GALNTL6: variants seen among roughly 807,000 people sequenced by gnomAD.
The protein encoded by GALNTL6 is polypeptide N-acetylgalactosaminyltransferase-like 6.
GALNTL6 carries 46 observed loss-of-function variants against 73.7 expected under a neutral mutation model. The observed-to-expected ratio is 0.62, with a 90% CI of 0.49 to 0.80. The LOEUF (loss-of-function observed/expected upper bound fraction) is 0.80, where lower values mean the gene tolerates loss of function less well. Ranked by LOEUF, GALNTL6 falls within the 30% of genes least tolerant of loss-of-function variation. GALNTL6 has a pLI of 0.00. For missense variants in GALNTL6, 604 were observed against 755.0 expected, an observed-to-expected ratio of 0.80 and a Z score of 2.34; for synonymous variants, 259 against 263.7, an observed-to-expected ratio of 0.98 and a Z score of 0.17.
chr4:172,265,103 T>G (rs1052545858), intron 3 of GALNTL6, among the ~76,000 whole-genome samples: 1 of 152,014 alleles, frequency 6.6e-6, no homozygotes, highest in Non-Finnish European at 1.5e-5. Flanking sequence ...AACAATTTCT[T>G]AAGCACCTTG....
At chr4:172,515,754 G>T (rs1042436523) in intron 5 of GALNTL6, among the ~76,000 whole-genome samples, 1 of 152,140 alleles carries the variant, frequency 6.6e-6, no homozygotes, top group African/African-American at 2.4e-5. Context: ...GGCAATTCCA[G>T]AGAGACACTC....
chr4:172,232,445 G>A (rs1321773764), intron 3 of GALNTL6, among the ~76,000 whole-genome samples: 1 of 151,690 alleles, frequency 6.6e-6, no homozygotes, highest in Non-Finnish European at 1.5e-5. Context: ...CTGTAACATT[G>A]TCCTCTTGGT....
intron 5 of GALNTL6, among the ~76,000 whole-genome samples, chr4:172,602,319 T>A (rs900912307): frequency 3.9e-5 from 6 of 152,104 alleles, no homozygotes; most frequent in Non-Finnish European, 8.8e-5. Flanking sequence ...AACAGATGAC[T>A]TTTTTCTCAT....
At chr4:172,284,074 G>T (rs956761760) in intron 3 of GALNTL6, among the ~76,000 whole-genome samples, 1 of 151,996 alleles carries the variant, frequency 6.6e-6, no homozygotes. Flanking sequence ...TGCTAAATTT[G>T]CTATAAAAAT....
At chr4:171,845,606 G>A (rs966313039) in intron 2 of GALNTL6, among the ~76,000 whole-genome samples, 6 of 152,156 alleles carry the variant, frequency 3.9e-5, no homozygotes, top group Admixed American at 1.3e-4. Context: ...TTAGAAAGTA[G>A]ATGTGCTCTC....
At chr4:172,287,949 T>C (rs930152397) in intron 3 of GALNTL6, among the ~76,000 whole-genome samples, 2 of 152,126 alleles carry the variant, frequency 1.3e-5, no homozygotes, top group African/African-American at 4.8e-5. Flanking sequence ...AGGGTAGAAC[T>C]CCCTGGTATA....
intron 7 of GALNTL6, among the ~76,000 whole-genome samples, chr4:172,847,194 G>A (rs923932375): frequency 2.6e-5 from 4 of 152,134 alleles, no homozygotes; most frequent in Non-Finnish European, 5.9e-5. Context: ...AATTTCAGGG[G>A]TAAACGTGGT....
At chr4:172,744,502 A>T (rs533988981) in intron 5 of GALNTL6, among the ~76,000 whole-genome samples, 1 of 152,166 alleles carries the variant, frequency 6.6e-6, no homozygotes, top group East Asian at 1.9e-4. Flanking sequence ...AGAGACTGCA[A>T]CTCTCTATTG....
chr4:172,553,206 G>GGT (rs1736028207), intron 5 of GALNTL6, among the ~76,000 whole-genome samples: 1 of 152,116 alleles, frequency 6.6e-6, no homozygotes. Context: ...TTATGCTTTG[G>GGT]GTGTGAATTA....
intron 7 of GALNTL6, among the ~76,000 whole-genome samples, chr4:172,819,512 C>T (rs2111018189): frequency 6.6e-6 from 1 of 152,312 alleles, no homozygotes; most frequent in East Asian, 1.9e-4. Flanking sequence ...TACCCAGTGT[C>T]ACCACTAGCT....
In GALNTL6 at chr4:173,021,475, G is replaced by A; in HGVS notation, c.1489-1G>A. 6.2e-7 allele frequency: 1 copy of A among 1,614,016 alleles called. No individual in the cohort carries two copies. The highest frequency in any genetic ancestry group is 8.5e-7 in the Non-Finnish European group (1 of 1,179,952). On this transcript the variant is annotated splice_acceptor_variant, in intron 11 of 12. Coordinates refer to ENST00000506823, the MANE Select transcript of GALNTL6 (RefSeq NM_001034845.3). LOFTEE classifies it high-confidence loss of function. ...CTTTTCTGCTACTGTTGCTTTGCTA[G>A]CTTTTTACCTTTGGATGGAGAGAAG...
chr4:172,500,747 G>GA (rs575129175), intron 5 of GALNTL6, among the ~76,000 whole-genome samples: 108 of 151,888 alleles, frequency 7.1e-4, no homozygotes, highest in African/African-American at 2.5e-3. Flanking sequence ...CTTCAGAAAG[G>GA]AAAAAAGTAC....
chr4:172,803,151 C>G (rs945049273), intron 5 of GALNTL6, among the ~76,000 whole-genome samples: 2 of 152,178 alleles, frequency 1.3e-5, no homozygotes, highest in African/African-American at 4.8e-5. Context: ...ACAGCCTGAT[C>G]CTTGGACTGT....
At chr4:172,693,077 T>G (rs1733414953) in intron 5 of GALNTL6, among the ~76,000 whole-genome samples, 1 of 152,184 alleles carries the variant, frequency 6.6e-6, no homozygotes, top group Non-Finnish European at 1.5e-5. Context: ...ATGCATAAAA[T>G]GGAAGAATTT....
At chr4:172,099,368 CAT>C (rs1295119618) in intron 2 of GALNTL6, among the ~76,000 whole-genome samples, 1 of 152,158 alleles carries the variant, frequency 6.6e-6, no homozygotes, top group African/African-American at 2.4e-5. Flanking sequence ...TATTTCTCAA[CAT>C]AAGCTCCATC....
intron 2 of GALNTL6, among the ~76,000 whole-genome samples, chr4:171,936,318 T>C (rs1738344168): frequency 6.6e-6 from 1 of 152,182 alleles, no homozygotes; most frequent in African/African-American, 2.4e-5. Flanking sequence ...TAGAAAGCAC[T>C]GGTTCACTGG....
At chr4:171,968,026 TCTTCTTACTCAG>T (rs1455170359) in intron 2 of GALNTL6, among the ~76,000 whole-genome samples, 1 of 152,152 alleles carries the variant, frequency 6.6e-6, no homozygotes, top group Non-Finnish European at 1.5e-5. Flanking sequence ...CCCGGTGCGA[TCTTCTTACTCAG>T]CTTCTGATTC....
intron 2 of GALNTL6, among the ~76,000 whole-genome samples, chr4:172,000,106 A>C (rs942319115): frequency 2.6e-5 from 4 of 152,192 alleles, no homozygotes; most frequent in Admixed American, 6.6e-5. Flanking sequence ...GGAAGAAAAC[A>C]TGAAACAATA....
intron 2 of GALNTL6, among the ~76,000 whole-genome samples, chr4:172,002,729 C>T (rs910315741): frequency 1.3e-5 from 2 of 152,174 alleles, no homozygotes; most frequent in East Asian, 3.9e-4. Flanking sequence ...TTTCATTGGT[C>T]CTGATTGAGT....
Sources: allele counts gnomAD v4.1 joint callset (sites outside exome capture counted in the v4.1 genomes callset), GRCh38; gene constraint gnomAD v4.1.1; transcripts MANE v1.5; gene names NCBI Gene and HGNC (gene_info 2026-07-23, HGNC 2026-07-21).